Variants in PCDHA5 observed in about 807,000 individuals in gnomAD.
PCDHA5 encodes protocadherin alpha-5.
Under a neutral mutation model 61.6 loss-of-function variants are expected in PCDHA5, and 43 were observed. The ratio of observed to expected loss-of-function variants is 0.70; its 90% CI spans 0.55 to 0.90. The LOEUF (loss-of-function observed/expected upper bound fraction) is 0.90, where lower values mean the gene tolerates loss of function less well. PCDHA5 is among the 40% of genes least tolerant of loss of function. PCDHA5 has a pLI of 0.00. For synonymous variants in PCDHA5, 627 were observed against 543.9 expected (o/e 1.15, Z -2.13); for missense variants, 1,298 against 1,222.7 (o/e 1.06, Z -0.92).
chr5:140,865,903 ATCTT>A (rs1453140496), intron 1 of PCDHA5: 10 of 152,252 alleles, frequency 6.6e-5, no homozygotes, highest in African/African-American at 1.9e-4. Flanking sequence ...GTACAGGCAA[ATCTT>A]TCTTTCTGTT....
intron 1 of PCDHA5, chr5:140,861,415 G>T (rs1400394792): frequency 4.2e-6 from 2 of 475,856 alleles, no homozygotes; most frequent in Non-Finnish European, 8.6e-6. Context: ...CTGATACCGC[G>T]CCTGTTTCAG....
chr5:140,876,515 C>G (rs782705478), intron 1 of PCDHA5: 4 of 1,613,960 alleles, frequency 2.5e-6, no homozygotes, highest in Non-Finnish European at 3.4e-6. Flanking sequence ...GACAATGTCC[C>G]TGAAGTAATG....
chr5:141,003,370 G>A (rs192935173), intron 3 of PCDHA5, among the ~76,000 whole-genome samples: 1 of 152,262 alleles, frequency 6.6e-6, no homozygotes, highest in East Asian at 1.9e-4. Context: ...GGAGTGCAGT[G>A]GTGCAATCTC....
intron 1 of PCDHA5, among the ~76,000 whole-genome samples, chr5:140,941,550 C>T (rs1489599221): frequency 6.6e-6 from 1 of 151,776 alleles, no homozygotes; most frequent in Non-Finnish European, 1.5e-5. Flanking sequence ...CTCCTGACCT[C>T]GTGATCCATT....
intron 1 of PCDHA5, chr5:140,850,578 G>T: frequency 6.3e-7 from 1 of 1,598,460 alleles, no homozygotes; most frequent in Non-Finnish European, 8.6e-7. Context: ...GACGCTGGTG[G>T]ATGTCAACGT....
At chr5:140,941,347 T>G (rs246069) in intron 1 of PCDHA5, among the ~76,000 whole-genome samples, 2 of 130,422 alleles carry the variant, frequency 1.5e-5, no homozygotes, top group African/African-American at 5.9e-5. Context: ...GATGGAGTCT[T>G]GCTCTGTTGC....
In PCDHA5 at chr5:140,823,711, C is replaced by A; in HGVS notation, c.1936C>A (p.Leu646Ile). The change falls in exon 1 of 4, where the codon CTT (leucine) becomes ATT (isoleucine). Residue 646 changes from leucine to isoleucine, a missense_variant. Physicochemically the swap from Leu to Ile is conservative, Grantham distance 5. Transcript: ENST00000529859. ...TGAGACCGAAGCACCGCGCCACCGCCTTCTGGTGCTGGTGAAGGACCATGG... is the reference window on the plus strand; with the variant it reads ...TGAGACCGAAGCACCGCGCCACCGCATTCTGGTGCTGGTGAAGGACCATGG... ...LDETEAPRHR[L>I]LVLVKDHGEP... 1.9e-6 allele frequency: 3 copies of A among 1,613,966 alleles called. No homozygotes were observed. Among genetic ancestry groups the A allele is most frequent in the Non-Finnish European group, 2.5e-6 (3 of 1,179,938 alleles).
chr5:140,928,940 A>G (rs2085663832), intron 1 of PCDHA5: 1 of 1,613,944 alleles, frequency 6.2e-7, no homozygotes. Flanking sequence ...CAGAACTTGT[A>G]TTTAGTAATT....
intron 1 of PCDHA5, among the ~76,000 whole-genome samples, chr5:140,907,316 A>G (rs2073307783): frequency 6.6e-6 from 1 of 152,194 alleles, no homozygotes; most frequent in African/African-American, 2.4e-5. Flanking sequence ...GAACATGTAA[A>G]GACCAGTGAA....
chr5:140,849,601 T>G lies in PCDHA5; in HGVS notation c.2352+25474T>G, dbSNP rs2150442110. ...GAGGACGCACAACTGGGGACAGTTA[T>G]TGCCCTGATTAGTGTGATCGACCTA... is the stretch of plus-strand genomic sequence containing the variant. On this transcript the variant is annotated intron_variant, in intron 1 of 3. Transcript: ENST00000529859. The G allele has an allele frequency of 3.9e-5, 63 of 1,598,652 alleles. 7 individuals carry two copies. The highest frequency in any genetic ancestry group is 2.7e-4 in the South Asian group (24 of 90,564).
At chr5:140,895,892 A>G (rs1554186717) in intron 1 of PCDHA5, among the ~76,000 whole-genome samples, 1 of 152,080 alleles carries the variant, frequency 6.6e-6, no homozygotes, top group East Asian at 1.9e-4. Flanking sequence ...GCTCACTGCA[A>G]CCTCCGCGTC....
intron 1 of PCDHA5, chr5:140,849,696 T>C (rs2150445431): frequency 6.3e-7 from 1 of 1,598,686 alleles, no homozygotes; most frequent in South Asian, 1.1e-5. Context: ...GGTGTCCACC[T>C]ACAAGAATTA....
At chr5:140,835,742 G>T in intron 1 of PCDHA5, 1 of 1,613,670 alleles carries the variant, frequency 6.2e-7, no homozygotes, top group Non-Finnish European at 8.5e-7. Flanking sequence ...ACAACGCCCC[G>T]GCGTTCGCGC....
intron 1 of PCDHA5, chr5:140,967,870 G>C (rs782622860): frequency 1.2e-6 from 2 of 1,614,152 alleles, no homozygotes; most frequent in Admixed American, 3.3e-5. Context: ...TGGTGCTCAC[G>C]GACCTGTATA....
chr5:140,883,080 A>G, intron 1 of PCDHA5: 1 of 1,614,140 alleles, frequency 6.2e-7, no homozygotes, highest in Non-Finnish European at 8.5e-7. Flanking sequence ...GATCCTGATG[A>G]TGGTACAAAT....
At chr5:140,944,053 A>G (rs246065) in intron 1 of PCDHA5, among the ~76,000 whole-genome samples, 85,768 of 152,016 alleles carry the variant, frequency 0.56, 24,809 homozygotes, top group African/African-American at 0.69. Context: ...TTGGGATACA[A>G]AAAGGTTTCT....
At chr5:140,954,722 G>A (rs1554221565) in intron 1 of PCDHA5, among the ~76,000 whole-genome samples, 1 of 152,092 alleles carries the variant, frequency 6.6e-6, no homozygotes, top group African/African-American at 2.4e-5. Context: ...TCTGTAGGTT[G>A]TCTTTTCACT....
intron 1 of PCDHA5, among the ~76,000 whole-genome samples, chr5:140,941,214 C>CCTTTCTTTCTTCCTTT (rs2092876516): frequency 8.2e-6 from 1 of 122,414 alleles, no homozygotes; most frequent in Non-Finnish European, 1.7e-5. Context: ...TTTCTTTCTT[C>CCTTTCTTTCTTCCTTT]CTTTCTTTCT....
At chr5:140,867,151 A>G (rs1437256888) in intron 1 of PCDHA5, 1 of 152,150 alleles carries the variant, frequency 6.6e-6, no homozygotes, top group Non-Finnish European at 1.5e-5. Context: ...ATTTTTCCAG[A>G]GTAAACCTTC....
Sources: allele counts gnomAD v4.1 joint callset (sites outside exome capture counted in the v4.1 genomes callset), GRCh38; gene constraint gnomAD v4.1.1; transcripts MANE v1.5; gene names NCBI Gene and HGNC (gene_info 2026-07-23, HGNC 2026-07-21).